Variants in SRSF1 observed in about 807,000 individuals in gnomAD.
SRSF1 encodes serine and arginine rich splicing factor 1.
In SRSF1, 1 loss-of-function variant was observed where a neutral mutation model predicts 25.9. The ratio of observed to expected loss-of-function variants is 0.04; its 90% CI spans 0.01 to 0.18. The LOEUF (loss-of-function observed/expected upper bound fraction) is 0.18. Ranked by LOEUF, SRSF1 falls within the 10% of genes least tolerant of loss-of-function variation. SRSF1 has a pLI of 1.00. For synonymous variants in SRSF1, 132 were observed against 126.2 expected (o/e 1.05, Z -0.31); for missense variants, 65 against 350.5 (o/e 0.19, Z 6.50).
At chr17:57,996,837 A>G (rs1000187288), downstream of SRSF1, among the ~76,000 whole-genome samples, 3 of 152,220 alleles carry the variant, frequency 2.0e-5, no homozygotes, top group Admixed American at 6.5e-5. Context: ...TCAGGGTCCT[A>G]AAGTTAATGC....
At chr17:57,989,714 C>T in the SRSF1 span, 1 of 398,516 alleles carries the variant, frequency 2.5e-6, no homozygotes, top group African/African-American at 2.1e-5. Flanking sequence ...TTGGATACTG[C>T]CTGGAGGCCT....
chr17:58,005,091 TA>T lies in SRSF1; in HGVS notation c.*314del, dbSNP rs1208553776. 3 of 459,806 alleles carry T rather than the reference TA, an allele frequency of 6.5e-6. No individual in the cohort carries two copies. Among genetic ancestry groups the T allele is most frequent in the Non-Finnish European group, 1.1e-5 (3 of 262,248 alleles). 28.5% of individuals were successfully genotyped at this position (459,806 alleles called of 1,614,324 possible). A position where few individuals can be genotyped will look rare whatever the true frequency, so the allele number is the denominator to read the frequency against. On this transcript the variant is annotated 3_prime_UTR_variant, in exon 4 of 4. Coordinates refer to ENST00000258962, the MANE Select transcript of SRSF1 (RefSeq NM_006924.5). This position sits in a 1 kb window ranked among gnomAD's most constrained non-coding sequence, Gnocchi z 5.2. ...AGATAAACATAAGAACTTCCCCAGG[TA>T]AGATAACCACAAACACCCCCAACAT... is the stretch of plus-strand genomic sequence containing the variant.
In SRSF1 at chr17:58,007,222, T is replaced by G; in HGVS notation, c.-85A>C. On this transcript the variant is annotated 5_prime_UTR_variant, in exon 1 of 4. Coordinates refer to ENST00000258962, the MANE Select transcript of SRSF1 (RefSeq NM_006924.5). Reference sequence around the variant, plus strand: ...AGAGCGAGCCCGCAGCGGCACCACGTCTCCCGCGGCCCCTCCAAAATGGCG... The same window carrying G: ...AGAGCGAGCCCGCAGCGGCACCACGGCTCCCGCGGCCCCTCCAAAATGGCG... 6.6e-7 allele frequency: 1 copy of G among 1,517,950 alleles called. No individual in the cohort carries two copies. The highest frequency in any genetic ancestry group is 1.2e-5 in the South Asian group (1 of 84,370). 94.0% of individuals were successfully genotyped at this position (1,517,950 alleles called of 1,614,324 possible).
chr17:57,993,403 A>AAAAAAAAAAAAAT, the SRSF1 span: 1 of 152,200 alleles, frequency 6.6e-6, no homozygotes, highest in African/African-American at 2.4e-5. Flanking sequence ...AAAAAAAAAA[A>AAAAAAAAAAAAAT]GTGCCTAAAG....
rs2075391071 is a variant in SRSF1, at chr17:58,001,636, A to G, written c.*3770T>C. Among the ~76,000 whole-genome samples the G allele has an allele frequency of 1.3e-5, 2 of 152,178 alleles. No homozygotes were observed. The highest frequency in any genetic ancestry group is 4.1e-4 in the South Asian group (2 of 4,836). On this transcript the variant is annotated 3_prime_UTR_variant, in exon 4 of 4. Coordinates refer to ENST00000258962, the MANE Select transcript of SRSF1 (RefSeq NM_006924.5). ...CCCTAAAATATTCTAAGGGGACATA[A>G]ATAGGGAGAAGAGGGGGAAATTCCA... is the stretch of plus-strand genomic sequence containing the variant.
At chr17:58,006,914 C>T (rs1400364798) in intron 1 of SRSF1, 30 bp downstream of exon 1, 1 of 1,611,884 alleles carries the variant, frequency 6.2e-7, no homozygotes, top group Admixed American at 1.7e-5. Context: ...GACCTATTTC[C>T]TCAAGGCTGC....
chr17:57,998,482 A>C (rs1003311624), downstream of SRSF1, among the ~76,000 whole-genome samples: 14 of 152,270 alleles, frequency 9.2e-5, no homozygotes, highest in African/African-American at 3.1e-4. Flanking sequence ...AGCACTTTAC[A>C]ATCTCCAGGT....
rs554287922 is a variant in SRSF1, at chr17:58,006,041, A to T, written c.380-68T>A. On this transcript the variant is annotated intron_variant, in intron 2 of 3. Coordinates refer to ENST00000258962, the MANE Select transcript of SRSF1 (RefSeq NM_006924.5). ...ATTTCACGTTAAGCTGGTAAGGTAC[A>T]TTAGGACAAAGAGTACTTTAAAGTA... The T allele has an allele frequency of 2.9e-5, 42 of 1,466,182 alleles. No homozygotes were observed. In the African/African-American group the frequency reaches 5.6e-4, roughly 20 times the overall value. The allele number at this position is 1,466,182 out of a possible 1,614,324, so 90.8% of individuals were successfully genotyped here.
downstream of SRSF1, among the ~76,000 whole-genome samples, chr17:57,997,303 T>C (rs986749190): frequency 2.6e-5 from 4 of 152,214 alleles, no homozygotes; most frequent in Admixed American, 1.3e-4. Context: ...TGAGGAGTTA[T>C]TAGTATTAAA....
Position 58,003,824 on chromosome 17 carries a change from A to C in SRSF1, c.*1582T>G, listed in dbSNP as rs1411020127. 6.6e-6 allele frequency: 1 copy of C among 152,646 alleles called. No individual in the cohort carries two copies. The highest frequency in any genetic ancestry group is 1.9e-4 in the East Asian group (1 of 5,194). The allele number at this position is 152,646 out of a possible 1,614,324, so 9.5% of individuals were successfully genotyped here. A position where few individuals can be genotyped will look rare whatever the true frequency, so the allele number is the denominator to read the frequency against. On this transcript the variant is annotated 3_prime_UTR_variant, in exon 4 of 4. Transcript: ENST00000258962. Reference sequence around the variant, plus strand: ...TTGGAATAGCCAATTAAGTTGAATAAAAAAATCCACACGAATGCGGTTTGG... The same window carrying C: ...TTGGAATAGCCAATTAAGTTGAATACAAAAATCCACACGAATGCGGTTTGG...
chr17:58,005,625 T>C lies in SRSF1; in HGVS notation c.553-25A>G, dbSNP rs2075421552. On this transcript the variant is annotated intron_variant, in intron 3 of 3. Coordinates refer to ENST00000258962, the MANE Select transcript of SRSF1 (RefSeq NM_006924.5). This position sits in a 1 kb window ranked among gnomAD's most constrained non-coding sequence, Gnocchi z 5.2. ...CCTATTGGATAGACAGAACTTTCCA[T>C]TGAAAGATCTAAGCTTTCATCTATC... is the stretch of plus-strand genomic sequence containing the variant. The C allele has an allele frequency of 1.2e-6, 2 of 1,612,484 alleles. No individual in the cohort carries two copies. The highest frequency in any genetic ancestry group is 1.7e-6 in the Non-Finnish European group (2 of 1,178,668).
intron 2 of SRSF1, 60 bp downstream of exon 2, chr17:58,006,283 G>A (rs1435928005): frequency 6.5e-6 from 10 of 1,530,878 alleles, no homozygotes; most frequent in Middle Eastern, 1.8e-4. Flanking sequence ...TGTCACGCAA[G>A]AGAAAAATTT....
chr17:58,005,984 G>C lies in SRSF1; in HGVS notation c.380-11C>G. The C allele has an allele frequency of 6.2e-7, 1 of 1,604,712 alleles. No homozygotes were observed. The highest frequency in any genetic ancestry group is 8.5e-7 in the Non-Finnish European group (1 of 1,178,456). On this transcript the variant is annotated splice_polypyrimidine_tract_variant and intron_variant, in intron 2 of 3. Coordinates refer to ENST00000258962, the MANE Select transcript of SRSF1 (RefSeq NM_006924.5). This position sits in a 1 kb window ranked among gnomAD's most constrained non-coding sequence, Gnocchi z 5.2. ...CACTTGGAGGCAGTCCTGAAAAAGT[G>C]ATTTTTTTTTTCTTAGTACCAATTA...
downstream of SRSF1, among the ~76,000 whole-genome samples, chr17:57,996,502 A>AAAAAAAAC (rs1431566307): frequency 2.6e-5 from 4 of 151,234 alleles, no homozygotes; most frequent in African/African-American, 9.7e-5. Context: ...AAAAAAAAAA[A>AAAAAAAAC]ACAGCCTTTG....
chr17:57,999,376 G>A (rs2075376877), downstream of SRSF1, among the ~76,000 whole-genome samples: 1 of 152,114 alleles, frequency 6.6e-6, no homozygotes, highest in Non-Finnish European at 1.5e-5. Context: ...CATACCTGAT[G>A]TACAAGGTAG....
At chr17:58,006,255 A>G in intron 2 of SRSF1, 88 bp downstream of exon 2, 1 of 1,463,576 alleles carries the variant, frequency 6.8e-7, no homozygotes, top group East Asian at 2.3e-5. Context: ...AGCATGAAAA[A>G]TTTGCAATTA....
In SRSF1 at chr17:58,002,115, T is replaced by C. The variant is rs2075395360; in HGVS notation, c.*3291A>G. 6.6e-6 allele frequency among the ~76,000 whole-genome samples: 1 copy of C among 152,190 alleles called. No homozygotes were observed. The highest frequency in any genetic ancestry group is 2.1e-4 in the South Asian group (1 of 4,822). ...TTAATAATCTGATGAATTTTTAAAA[T>C]GTTCTACACATAAAACTTCTTAGAA... On this transcript the variant is annotated 3_prime_UTR_variant, in exon 4 of 4. Transcript: ENST00000258962.
downstream of SRSF1, among the ~76,000 whole-genome samples, chr17:58,000,467 G>GA (rs2075382225): frequency 6.6e-6 from 1 of 152,090 alleles, no homozygotes; most frequent in African/African-American, 2.4e-5. Context: ...TACTGATACA[G>GA]AAACAATAAC....
rs2075395944 is a variant in SRSF1 at position 58,002,178 on chromosome 17, A to G, written c.*3228T>C. ...CATGTAAAATTATTCAAATTTTTAA[A>G]CAGTAAATCTGCCTTTTGGCCATTA... On this transcript the variant is annotated 3_prime_UTR_variant, in exon 4 of 4. Coordinates refer to ENST00000258962, the MANE Select transcript of SRSF1 (RefSeq NM_006924.5). Among the ~76,000 whole-genome samples, 1 of 152,238 alleles carries G rather than the reference A, an allele frequency of 6.6e-6. No individual in the cohort carries two copies. The highest frequency in any genetic ancestry group is 2.4e-5 in the African/African-American group (1 of 41,456).
Sources: allele counts gnomAD v4.1 joint callset (sites outside exome capture counted in the v4.1 genomes callset), GRCh38; gene constraint gnomAD v4.1.1; non-coding constraint Gnocchi (gnomAD v3.1); transcripts MANE v1.5; gene names NCBI Gene and HGNC (gene_info 2026-07-23, HGNC 2026-07-21).